The following DLGAP2 variants were observed in gnomAD, a reference collection of about 807,000 sequenced individuals.
DLGAP2 encodes the protein DLG associated protein 2.
DLGAP2 carries 26 observed loss-of-function variants against 100.3 expected under a neutral mutation model. The observed-to-expected ratio is 0.26, with a 90% CI of 0.19 to 0.36. The LOEUF is 0.36. DLGAP2 is among the 10% of genes least tolerant of loss of function. DLGAP2 has a pLI of 1.00. For missense variants in DLGAP2, 1,858 were observed against 1,453.2 expected, an observed-to-expected ratio of 1.28 and a Z score of -4.53; for synonymous variants, 886 against 630.1, an observed-to-expected ratio of 1.41 and a Z score of -6.08.
intron 2 of DLGAP2, among the ~76,000 whole-genome samples, chr8:1,177,006 A>G (rs1376737848): frequency 6.6e-6 from 1 of 152,218 alleles, no homozygotes; most frequent in African/African-American, 2.4e-5. Context: ...AAACTGGGAA[A>G]AGTCAGTCCT....
At chr8:1,299,435 A>G (rs142527695) in intron 3 of DLGAP2, among the ~76,000 whole-genome samples, 28 of 152,344 alleles carry the variant, frequency 1.8e-4, no homozygotes, top group African/African-American at 6.3e-4. Context: ...TAAAATTGTG[A>G]TGATGTTTAA....
intron 1 of DLGAP2, among the ~76,000 whole-genome samples, chr8:863,847 C>T (rs1269051682): frequency 6.6e-6 from 1 of 152,132 alleles, no homozygotes; most frequent in African/African-American, 2.4e-5. Flanking sequence ...TCCAGCAATC[C>T]CACTACTGGC....
rs111318667 is a variant in DLGAP2, at chr8:1,662,075, C to T, written c.1811-6254C>T. ...CACAGGGCTGCCGCAAAGGGTCTTCCGCCCATAGGTCATGAGGGATGAACT... is the reference window on the plus strand; with the variant it reads ...CACAGGGCTGCCGCAAAGGGTCTTCTGCCCATAGGTCATGAGGGATGAACT... On this transcript the variant is annotated intron_variant, in intron 8 of 14. Transcript: ENST00000637795. Among the ~76,000 whole-genome samples the T allele has an allele frequency of 4.0e-3, 616 of 152,312 alleles. 6 individuals are homozygous for T. Among genetic ancestry groups the T allele is most frequent in the African/African-American group, 0.014 (581 of 41,560 alleles).
At chr8:1,135,503 G>GTTTTTTTTTTTTTTTTTTTTTT (rs3080806) in intron 2 of DLGAP2, among the ~76,000 whole-genome samples, 3 of 92,194 alleles carry the variant, frequency 3.3e-5, no homozygotes, top group East Asian at 3.8e-4. Flanking sequence ...TTTTTTGTGG[G>GTTTTTTTTTTTTTTTTTTTTTT]TTTTTTTTTT....
At chr8:770,794 A>G (rs11784310) in intron 1 of DLGAP2, among the ~76,000 whole-genome samples, 39,491 of 151,748 alleles carry the variant, frequency 0.26, 6,165 homozygotes, top group Non-Finnish European at 0.34. Flanking sequence ...TTATATACTG[A>G]CCTGTATTTC....
chr8:1,268,324 A>C (rs1197813668), intron 3 of DLGAP2, among the ~76,000 whole-genome samples: 1 of 152,216 alleles, frequency 6.6e-6, no homozygotes, highest in African/African-American at 2.4e-5. Context: ...TAATTGTTGA[A>C]TTTTGAAGCA....
At chr8:1,242,396 A>G (rs1215381093) in intron 2 of DLGAP2, among the ~76,000 whole-genome samples, 2 of 152,208 alleles carry the variant, frequency 1.3e-5, no homozygotes, top group Non-Finnish European at 2.9e-5. Flanking sequence ...GCCCCACATC[A>G]CCAGCCAGGG....
intron 2 of DLGAP2, among the ~76,000 whole-genome samples, chr8:914,455 G>A (rs990246098): frequency 6.6e-6 from 1 of 152,200 alleles, no homozygotes; most frequent in Non-Finnish European, 1.5e-5. Context: ...AGAACAAGGG[G>A]GTGTGGATCA....
chr8:787,954 G>A (rs1044874906), intron 1 of DLGAP2, among the ~76,000 whole-genome samples: 1 of 144,036 alleles, frequency 6.9e-6, no homozygotes, highest in African/African-American at 2.7e-5. Flanking sequence ...CAGGTCTGGC[G>A]TCCCTGTCCA....
At chr8:1,661,225 A>G (rs1410280168) in intron 8 of DLGAP2, among the ~76,000 whole-genome samples, 1 of 152,204 alleles carries the variant, frequency 6.6e-6, no homozygotes, top group African/African-American at 2.4e-5. Context: ...TGCTGGGCCC[A>G]GCTTCTCCTC....
At chr8:911,403 T>C (rs563910098) in intron 2 of DLGAP2, among the ~76,000 whole-genome samples, 2 of 152,112 alleles carry the variant, frequency 1.3e-5, no homozygotes, top group South Asian at 4.1e-4. Flanking sequence ...ATAATGTATG[T>C]TGGAAACATA....
intron 3 of DLGAP2, among the ~76,000 whole-genome samples, chr8:1,459,270 A>G (rs1177223373): frequency 9.4e-5 from 12 of 127,204 alleles, no homozygotes; most frequent in South Asian, 2.7e-4. Context: ...GTTTACATGC[A>G]TATACCTGAG....
At chr8:1,491,337 C>A (rs1042359202) in intron 3 of DLGAP2, among the ~76,000 whole-genome samples, 3 of 152,186 alleles carry the variant, frequency 2.0e-5, no homozygotes, top group Non-Finnish European at 2.9e-5. Context: ...CTGCTCCTGA[C>A]CCCGGAGGCT....
chr8:1,069,154 G>A (rs950808220), intron 2 of DLGAP2, among the ~76,000 whole-genome samples: 13 of 152,222 alleles, frequency 8.5e-5, no homozygotes, highest in Non-Finnish European at 1.6e-4. Context: ...CGGACTCTGG[G>A]CAAATATTTG....
intron 1 of DLGAP2, among the ~76,000 whole-genome samples, chr8:905,912 A>G (rs1005650604): frequency 1.5e-4 from 22 of 151,580 alleles, no homozygotes; most frequent in African/African-American, 4.4e-4. Context: ...CGTGGCTGAG[A>G]CCATGAAAGG....
chr8:805,633 G>A (rs1044396843), intron 1 of DLGAP2, among the ~76,000 whole-genome samples: 1 of 151,936 alleles, frequency 6.6e-6, no homozygotes, highest in East Asian at 1.9e-4. Flanking sequence ...TTTGGGACAC[G>A]GTCTCTTTCT....
chr8:1,589,899 G>A (rs1271313208), intron 6 of DLGAP2, among the ~76,000 whole-genome samples: 2 of 152,164 alleles, frequency 1.3e-5, no homozygotes, highest in Non-Finnish European at 2.9e-5. Context: ...GGGATGGACT[G>A]TACTAGTTTC....
In DLGAP2 at chr8:1,063,808, G is replaced by C. The variant is rs530000351; in HGVS notation, c.73+155842G>C. On this transcript the variant is annotated intron_variant, in intron 2 of 14. Transcript: ENST00000637795. ...TATTTCATTCATAATTTTGTTCCCA[G>C]AGCTCGGTGCCTCTCCACACGGAGG... Among the ~76,000 whole-genome samples, 89 of 152,260 alleles carry C rather than the reference G, an allele frequency of 5.8e-4. 1 individual carries two copies. The highest frequency in any genetic ancestry group is 1.5e-3 in the Admixed American group (23 of 15,296).
intron 2 of DLGAP2, among the ~76,000 whole-genome samples, chr8:948,519 C>G (rs945196081): frequency 6.6e-6 from 1 of 152,336 alleles, no homozygotes; most frequent in African/African-American, 2.4e-5. Context: ...GCAGGGGAGA[C>G]GTTGGCTCCT....
Sources: allele counts gnomAD v4.1 joint callset (sites outside exome capture counted in the v4.1 genomes callset), GRCh38; gene constraint gnomAD v4.1.1; transcripts MANE v1.5; gene names NCBI Gene and HGNC (gene_info 2026-07-23, HGNC 2026-07-21).